The following SERBP1 variants were observed in gnomAD, a reference collection of about 807,000 sequenced individuals.
SERBP1 encodes SERPINE1 mRNA-binding protein 1.
A neutral mutation model predicts 50.2 loss-of-function variants in SERBP1; 6 were observed. The observed-to-expected ratio is 0.12, with a 90% CI of 0.07 to 0.24. The LOEUF (loss-of-function observed/expected upper bound fraction) is 0.24. Ranked by LOEUF, SERBP1 falls within the 10% of genes least tolerant of loss-of-function variation. The pLI, the probability that SERBP1 is intolerant of heterozygous loss-of-function variation, is 1.00. For missense variants in SERBP1, 346 were observed against 524.9 expected, an observed-to-expected ratio of 0.66 and a Z score of 3.33; for synonymous variants, 168 against 182.8, an observed-to-expected ratio of 0.92 and a Z score of 0.65.
chr1:67,422,739 C>A (rs1667240550), intron 5 of SERBP1, among the ~76,000 whole-genome samples: 1 of 151,952 alleles, frequency 6.6e-6, no homozygotes. Flanking sequence ...GCGGATGCAT[C>A]ACCTGAGGTC....
chr1:67,413,626 GA>G (rs1277989980), intron 7 of SERBP1, among the ~76,000 whole-genome samples: 1 of 136,280 alleles, frequency 7.3e-6, no homozygotes, highest in African/African-American at 2.7e-5. Context: ...TCCAGCCTGG[GA>G]AACAGAGTGA....
In SERBP1 at chr1:67,415,156, C is replaced by CT. The variant is rs764249191; in HGVS notation, c.1125+9dup. On this transcript the variant is annotated intron_variant, in intron 7 of 7. Coordinates refer to ENST00000361219, the MANE Select transcript of SERBP1 (RefSeq NM_001018069.2). ...AAATTATGTAAAAGGAAAAGAAAGT[C>CT]TTAAATTACCTTGTCGGTCCTGCTG... 1.3e-6 allele frequency: 2 copies of CT among 1,564,600 alleles called. No homozygotes were observed. Among genetic ancestry groups the CT allele is most frequent in the Admixed American group, 2.1e-5 (1 of 48,476 alleles).
At chr1:67,424,669 T>C (rs150254576) in intron 4 of SERBP1, among the ~76,000 whole-genome samples, 30 of 115,572 alleles carry the variant, frequency 2.6e-4, no homozygotes, top group Middle Eastern at 4.5e-3. Flanking sequence ...TACAAATACA[T>C]ATGGGGGGGA....
intron 1 of SERBP1, 100 bp from the exon 2 acceptor site, chr1:67,426,385 T>C: frequency 1.6e-6 from 2 of 1,235,988 alleles, no homozygotes; most frequent in Non-Finnish European, 1.1e-6. Flanking sequence ...TCCACTACCA[T>C]TTCCTGTTGG....
chr1:67,422,786 C>A (rs1014732060), intron 5 of SERBP1, among the ~76,000 whole-genome samples: 1 of 147,876 alleles, frequency 6.8e-6, no homozygotes, highest in East Asian at 2.1e-4. Context: ...ATGGTGAAAT[C>A]CTGTCTCTAC....
intron 6 of SERBP1, among the ~76,000 whole-genome samples, chr1:67,415,819 T>C (rs1035479624): frequency 6.6e-6 from 1 of 152,134 alleles, no homozygotes; most frequent in Admixed American, 6.5e-5. Context: ...CTCTTCCAAC[T>C]ACAACTAGGG....
At chr1:67,416,322 T>C (rs1310502178) in intron 6 of SERBP1, among the ~76,000 whole-genome samples, 1 of 152,210 alleles carries the variant, frequency 6.6e-6, no homozygotes, top group African/African-American at 2.4e-5. Context: ...TAGAAACTTC[T>C]TAAAAATGAA....
At chr1:67,427,013 G>GT (rs1374972134) in intron 1 of SERBP1, among the ~76,000 whole-genome samples, 1 of 152,154 alleles carries the variant, frequency 6.6e-6, no homozygotes, top group Non-Finnish European at 1.5e-5. Flanking sequence ...TTTATAGCAT[G>GT]TAAGTGTATA....
intron 6 of SERBP1, among the ~76,000 whole-genome samples, chr1:67,419,553 T>G (rs905424235): frequency 1.3e-5 from 2 of 152,234 alleles, no homozygotes; most frequent in African/African-American, 4.8e-5. Flanking sequence ...CCATTATATA[T>G]GGTATAGGCA....
chr1:67,429,675 G>T (rs1013143907), intron 1 of SERBP1: 7 of 265,098 alleles, frequency 2.6e-5, no homozygotes, highest in African/African-American at 1.6e-4. Flanking sequence ...CAAGGAATCC[G>T]GCGGGAAGGC....
chr1:67,421,255 C>T (rs1407951065), intron 5 of SERBP1, among the ~76,000 whole-genome samples: 1 of 152,162 alleles, frequency 6.6e-6, no homozygotes, highest in Non-Finnish European at 1.5e-5. Context: ...AAAAAAAGTC[C>T]TGCTTACCCA....
intron 4 of SERBP1, chr1:67,424,489 A>T: frequency 1.8e-6 from 1 of 551,586 alleles, no homozygotes; most frequent in Non-Finnish European, 3.1e-6. Flanking sequence ...TAGTTCATAT[A>T]CTTCATACTT....
intron 1 of SERBP1, 61 bp downstream of exon 1, chr1:67,429,927 C>A: frequency 3.4e-6 from 5 of 1,491,164 alleles, no homozygotes; most frequent in Non-Finnish European, 4.5e-6. Context: ...AAGTGGCAGC[C>A]GGCAGCCCCC....
rs779041332 is a variant in SERBP1, at chr1:67,409,386, G to GACACGGACACACAC, written c.*3820_*3821insGTGTGTGTCCGTGT. ...AAACCATTCTTAACTCAGGGACACG[G>GACACGGACACACAC]ACACACACACACACACACACACACA... On this transcript the variant is annotated 3_prime_UTR_variant, in exon 8 of 8. Transcript: ENST00000361219. 1 of 114,142 alleles carries GACACGGACACACAC rather than the reference G, an allele frequency of 8.8e-6. No homozygotes were observed. Among genetic ancestry groups the GACACGGACACACAC allele is most frequent in the East Asian group, 3.0e-4 (1 of 3,298 alleles). 7.1% of individuals were successfully genotyped at this position (114,142 alleles called of 1,614,324 possible). A position where few individuals can be genotyped will look rare whatever the true frequency, so the allele number is the denominator to read the frequency against.
chr1:67,430,052 G>T lies in SERBP1; in HGVS notation c.249C>A (p.Pro83=), dbSNP rs1162770249. The T allele has an allele frequency of 6.2e-7, 1 of 1,613,738 alleles. No individual in the cohort carries two copies. Among genetic ancestry groups the T allele is most frequent in the Non-Finnish European group, 8.5e-7 (1 of 1,179,814 alleles). The change falls in exon 1 of 8, where the codon CCC becomes CCA. Residue 83 remains proline (P), a synonymous_variant. Transcript: ENST00000361219. ...TCTTGTCAACCACGCCAACGCTGGG[G>T]GGCAGCGGGTTCTTGCGGTCTTTCT... The part of the protein sequence containing the change: ...ESQKDRKNPL[P]PSVGVVDKKE...
chr1:67,425,379 C>T (rs1557507088), intron 2 of SERBP1, among the ~76,000 whole-genome samples, 156 bp from the exon 3 acceptor site: 1 of 152,124 alleles, frequency 6.6e-6, no homozygotes, highest in Non-Finnish European at 1.5e-5. Context: ...TGTTTCTAAA[C>T]ACAAAGGAAA....
In SERBP1 at chr1:67,424,586, G is replaced by C. The variant is rs762510858; in HGVS notation, c.695+302C>G. Among the ~76,000 whole-genome samples, 9 of 152,212 alleles carry C rather than the reference G, an allele frequency of 5.9e-5. No homozygotes were observed. The South Asian group carries it at 6.2e-4, about 11-fold the overall frequency. ...GTAATGACAACAAAGTCAAAAGCTA[G>C]AATAGGAACTATTAAGGACACTAAG... On this transcript the variant is annotated intron_variant, in intron 4 of 7. Coordinates refer to ENST00000361219, the MANE Select transcript of SERBP1 (RefSeq NM_001018069.2).
At chr1:67,423,622 A>G (rs1557505737) in intron 5 of SERBP1, among the ~76,000 whole-genome samples, 1 of 152,142 alleles carries the variant, frequency 6.6e-6, no homozygotes, top group African/African-American at 2.4e-5. Flanking sequence ...AAGAAAAAAA[A>G]AAAAAAAGAT....
rs932612355 is a variant in SERBP1, at chr1:67,430,161, C to T, written c.140G>A (p.Gly47Glu). ...AGCTGCGCTCTTGGCCCCAGGGCCC[C>T]CAACGCCGCCCCCGCCGGCTTCTTT... is the stretch of plus-strand genomic sequence containing the variant. ...KKKEAGGGGV[G>E]GPGAKSAAQA... is the part of the protein sequence containing the mutation. The change falls in exon 1 of 8, where the codon GGG (glycine) becomes GAG (glutamate). Residue 47 changes from glycine to glutamate, a missense_variant. Transcript: ENST00000361219. 1.2e-6 allele frequency: 2 copies of T among 1,610,820 alleles called. No individual in the cohort carries two copies. The highest frequency in any genetic ancestry group is 2.7e-5 in the African/African-American group (2 of 74,770).
Sources: allele counts gnomAD v4.1 joint callset (sites outside exome capture counted in the v4.1 genomes callset), GRCh38; gene constraint gnomAD v4.1.1; transcripts MANE v1.5; gene names NCBI Gene and HGNC (gene_info 2026-07-23, HGNC 2026-07-21).